GRM3: variants seen among roughly 807,000 people sequenced by gnomAD.
GRM3 encodes the protein glutamate metabotropic receptor 3.
GRM3 carries 26 observed loss-of-function variants against 70.5 expected under a neutral mutation model. The observed-to-expected ratio is 0.37, with a 90% confidence interval of 0.27 to 0.51. The LOEUF (loss-of-function observed/expected upper bound fraction) is 0.51, where lower values mean the gene tolerates loss of function less well. GRM3 is among the 20% of genes least tolerant of loss of function. The pLI, the probability that GRM3 is intolerant of heterozygous loss-of-function variation, is 0.93. For synonymous variants in GRM3, 443 were observed against 434.9 expected, an observed-to-expected ratio of 1.02 and a Z score of -0.23; for missense variants, 859 against 1,123.8, an observed-to-expected ratio of 0.76 and a Z score of 3.37.
At chr7:86,720,614 C>A (rs1281758518) in intron 1 of GRM3, among the ~76,000 whole-genome samples, 1 of 152,098 alleles carries the variant, frequency 6.6e-6, no homozygotes, top group Non-Finnish European at 1.5e-5. Context: ...CTTCTGAATT[C>A]ATCTACCCTA....
chr7:86,752,703 T>G (rs1310745499), intron 1 of GRM3, among the ~76,000 whole-genome samples: 1 of 152,064 alleles, frequency 6.6e-6, no homozygotes, highest in African/African-American at 2.4e-5. Context: ...CCAAACCTCC[T>G]ATAACTAAGG....
intron 2 of GRM3, among the ~76,000 whole-genome samples, chr7:86,771,876 T>C (rs1212688073): frequency 1.3e-5 from 2 of 152,130 alleles, no homozygotes; most frequent in African/African-American, 4.8e-5. Context: ...TTTCTCATAG[T>C]CTACAGAAAG....
chr7:86,673,764 C>T (rs1394508266), intron 1 of GRM3, among the ~76,000 whole-genome samples: 1 of 152,124 alleles, frequency 6.6e-6, no homozygotes, highest in Non-Finnish European at 1.5e-5. Context: ...TACGCTCCTC[C>T]TTTGTATGTC....
chr7:86,809,979 G>A (rs926329820), intron 3 of GRM3, among the ~76,000 whole-genome samples: 2 of 152,046 alleles, frequency 1.3e-5, no homozygotes, highest in African/African-American at 4.8e-5. Context: ...AACAGGAGTA[G>A]CTCAAGGAAG....
intron 3 of GRM3, among the ~76,000 whole-genome samples, chr7:86,803,766 T>C (rs1797731551): frequency 6.6e-6 from 1 of 152,084 alleles, no homozygotes; most frequent in South Asian, 2.1e-4. Context: ...GTTTGTTTGT[T>C]TGTTTGTTTG....
chr7:86,689,280 A>G (rs182381090), intron 1 of GRM3, among the ~76,000 whole-genome samples: 242 of 152,044 alleles, frequency 1.6e-3, no homozygotes, highest in Admixed American at 5.3e-3. Flanking sequence ...GAAAGTTGCC[A>G]CAAACTACTA....
At chr7:86,662,164 A>G (rs776743663) in intron 1 of GRM3, among the ~76,000 whole-genome samples, 4 of 151,884 alleles carry the variant, frequency 2.6e-5, no homozygotes, top group Non-Finnish European at 5.9e-5. Flanking sequence ...ACTCTATTTC[A>G]TGTATTTTTT....
At chr7:86,761,684 G>A (rs1451551829) in intron 1 of GRM3, among the ~76,000 whole-genome samples, 1 of 152,072 alleles carries the variant, frequency 6.6e-6, no homozygotes, top group African/African-American at 2.4e-5. Flanking sequence ...CCTTACCTGT[G>A]AAACAGGTAA....
intron 1 of GRM3, among the ~76,000 whole-genome samples, chr7:86,691,154 T>C (rs1794688098): frequency 6.6e-6 from 1 of 152,166 alleles, no homozygotes; most frequent in Non-Finnish European, 1.5e-5. Flanking sequence ...GCAAGTCTTA[T>C]CCTTACCTCC....
Position 86,698,151 on chromosome 7 carries a change from A to G in GRM3, c.-141+53279A>G, listed in dbSNP as rs117342224. On this transcript the variant is annotated intron_variant, in intron 1 of 5. Transcript: ENST00000361669. ...ATTTTCTATAGCAGCAAACATTCCA[A>G]TTACATGGAAAAAGCAACTGAACTG... 7.3e-3 allele frequency among the ~76,000 whole-genome samples: 1,111 copies of G among 152,196 alleles called. 8 individuals carry two copies. Among genetic ancestry groups the G allele is most frequent in the Non-Finnish European group, 0.01 (711 of 67,996 alleles).
chr7:86,826,344 G>A (rs1379654925), intron 3 of GRM3, among the ~76,000 whole-genome samples: 2 of 152,158 alleles, frequency 1.3e-5, no homozygotes, highest in Non-Finnish European at 2.9e-5. Context: ...TATATCTCCT[G>A]CTCCTGCTGC....
At chr7:86,778,074 T>C (rs1381290437) in intron 2 of GRM3, among the ~76,000 whole-genome samples, 1 of 152,174 alleles carries the variant, frequency 6.6e-6, no homozygotes, top group Non-Finnish European at 1.5e-5. Flanking sequence ...ATTAAAGGTG[T>C]AGACTTATTC....
At chr7:86,688,345 G>A (rs978663729) in intron 1 of GRM3, among the ~76,000 whole-genome samples, 3 of 151,540 alleles carry the variant, frequency 2.0e-5, no homozygotes, top group Non-Finnish European at 3.0e-5. Flanking sequence ...AAATTATGTG[G>A]TTAAATTAAC....
intron 2 of GRM3, among the ~76,000 whole-genome samples, chr7:86,777,351 A>C (rs1796919218): frequency 6.6e-6 from 1 of 152,178 alleles, no homozygotes; most frequent in Non-Finnish European, 1.5e-5. Flanking sequence ...GAGACTTGGG[A>C]TGGAAAGCAG....
intron 1 of GRM3, among the ~76,000 whole-genome samples, chr7:86,720,999 A>G (rs1419825953): frequency 6.6e-6 from 1 of 152,104 alleles, no homozygotes; most frequent in Non-Finnish European, 1.5e-5. Context: ...AGGAGCAGAC[A>G]GGAGGCTGAT....
At chr7:86,720,940 CAG>C (rs1417854732) in intron 1 of GRM3, among the ~76,000 whole-genome samples, 1 of 152,026 alleles carries the variant, frequency 6.6e-6, no homozygotes, top group Non-Finnish European at 1.5e-5. Context: ...AAACAAGAAA[CAG>C]AGGATGAGAG....
At chr7:86,657,915 T>C (rs915463004) in intron 1 of GRM3, among the ~76,000 whole-genome samples, 1 of 152,220 alleles carries the variant, frequency 6.6e-6, no homozygotes, top group Non-Finnish European at 1.5e-5. Context: ...GAAAAGAGCA[T>C]GCTGCATAAA....
chr7:86,828,209 G>T (rs10226401), intron 3 of GRM3, among the ~76,000 whole-genome samples: 7,617 of 150,830 alleles, frequency 0.051, 638 homozygotes, highest in African/African-American at 0.18. Context: ...CTTATGAAAA[G>T]GTGCTCAATA....
chr7:86,690,876 A>G (rs11976772), intron 1 of GRM3, among the ~76,000 whole-genome samples: 3,077 of 152,268 alleles, frequency 0.02, 107 homozygotes, highest in African/African-American at 0.07. Context: ...ATCATGTATA[A>G]AGAGCATATT....
Sources: gnomAD v4.1 joint callset for allele counts (sites outside exome capture counted in the v4.1 genomes callset) on GRCh38, gnomAD v4.1.1 for gene constraint, MANE v1.5 for transcripts, NCBI Gene and HGNC (gene_info 2026-07-23, HGNC 2026-07-21) for gene names.